OR9Q1: variants seen among roughly 807,000 people sequenced by gnomAD.
OR9Q1 encodes olfactory receptor 9Q1.
For synonymous variants in OR9Q1, 153 were observed against 148.6 expected (o/e 1.03, Z -0.22); for missense variants, 374 against 378.8 (o/e 0.99, Z 0.11).
At position 58,023,958 on chromosome 11, in the gene OR9Q1, G is replaced by T. The variant is rs551640603; in HGVS notation, c.-239G>T. The T allele has an allele frequency of 1.3e-5, 2 of 152,338 alleles. No homozygotes were observed. The highest frequency in any genetic ancestry group is 1.9e-4 in the East Asian group (1 of 5,188). The allele number at this position is 152,338 out of a possible 1,614,324, so 9.4% of individuals were successfully genotyped here. Reference sequence around the variant, plus strand: ...TGGTAGAGGGAGCGAAAGGAGCAAAGGCCCTAACTTTCCCTTAATGATGTC... The same window carrying T: ...TGGTAGAGGGAGCGAAAGGAGCAAATGCCCTAACTTTCCCTTAATGATGTC... On this transcript the variant is annotated 5_prime_UTR_variant, in exon 1 of 3. In the 5' UTR this introduces an upstream ATG that the reference lacks. Coordinates refer to ENST00000335397, the MANE Select transcript of OR9Q1 (RefSeq NM_001005212.4).
chr11:58,118,828 A>G lies in OR9Q1; in HGVS notation c.-14-60603A>G, dbSNP rs753385462. The G allele has an allele frequency of 8.1e-6, 13 of 1,614,084 alleles. No homozygotes were observed. In the Admixed American group the frequency reaches 2.2e-4, roughly 27 times the overall value. On this transcript the variant is annotated intron_variant, in intron 2 of 2. Transcript: ENST00000335397. ...GATGACGGAGGCATTGGCCAAAATC[A>G]CAAAATTGCCAAAGAAGATGATGAC...
chr11:58,140,776 T>G (rs975691026), intron 2 of OR9Q1, among the ~76,000 whole-genome samples: 4 of 152,200 alleles, frequency 2.6e-5, no homozygotes, highest in African/African-American at 9.7e-5. Flanking sequence ...GCGGGCTGTT[T>G]TTTGGTTCCA....
chr11:58,114,532 C>T (rs1006184398), intron 2 of OR9Q1, among the ~76,000 whole-genome samples: 1 of 152,052 alleles, frequency 6.6e-6, no homozygotes. Context: ...ATTAAATCCT[C>T]CTTTCTCTTC....
chr11:58,150,943 C>T (rs1854345146), intron 2 of OR9Q1, among the ~76,000 whole-genome samples: 1 of 152,108 alleles, frequency 6.6e-6, no homozygotes, highest in South Asian at 2.1e-4. Context: ...TCTAGTAAGA[C>T]AAAATGTGCT....
At chr11:58,031,946 T>G in intron 1 of OR9Q1, 1 of 1,173,810 alleles carries the variant, frequency 8.5e-7, no homozygotes. Context: ...CTTGGATATT[T>G]AAAAACAGGT....
intron 2 of OR9Q1, among the ~76,000 whole-genome samples, chr11:58,063,686 C>T (rs763577208): frequency 2.6e-5 from 4 of 150,986 alleles, no homozygotes; most frequent in South Asian, 2.1e-4. Context: ...GTGGAATTTA[C>T]AAGGGAAGAT....
intron 2 of OR9Q1, among the ~76,000 whole-genome samples, chr11:58,135,304 G>C (rs1854179466): frequency 6.6e-6 from 1 of 152,098 alleles, no homozygotes; most frequent in African/African-American, 2.4e-5. Flanking sequence ...AAGATTTTGA[G>C]GGAAACAGAC....
chr11:58,101,780 C>T (rs1041529174), intron 2 of OR9Q1, among the ~76,000 whole-genome samples: 1 of 152,062 alleles, frequency 6.6e-6, no homozygotes, highest in African/African-American at 2.4e-5. Flanking sequence ...GAGTTTCATT[C>T]TTGTTGCCCA....
At chr11:58,107,745 A>G (rs965807652) in intron 2 of OR9Q1, among the ~76,000 whole-genome samples, 5 of 142,976 alleles carry the variant, frequency 3.5e-5, no homozygotes. Flanking sequence ...CTTTCTATTT[A>G]TTTGTCTCTT....
At position 58,179,924 on chromosome 11, in the gene OR9Q1, A is replaced by G; in HGVS notation, c.480A>G (p.Thr160=). The change falls in exon 3 of 3, where the codon ACA becomes ACG. Residue 160 remains threonine, a synonymous_variant. Transcript: ENST00000335397. ...GTCTCATCAGTGCCTTGGTGCGGAC[A>G]GTCTCAGCCTTCACTCTCTCCTTCT... ...VAGLISALVR[T]VSAFTLSFCG... The G allele has an allele frequency of 1.2e-6, 2 of 1,614,194 alleles. No individual in the cohort carries two copies. Among genetic ancestry groups the G allele is most frequent in the Non-Finnish European group, 1.7e-6 (2 of 1,180,034 alleles).
chr11:58,037,186 C>T (rs1853108089), intron 1 of OR9Q1, among the ~76,000 whole-genome samples: 1 of 152,116 alleles, frequency 6.6e-6, no homozygotes, highest in Non-Finnish European at 1.5e-5. Context: ...TCTCTGAAGG[C>T]TCAGATTATT....
At chr11:58,168,595 T>G (rs546574270) in intron 2 of OR9Q1, among the ~76,000 whole-genome samples, 1 of 152,046 alleles carries the variant, frequency 6.6e-6, no homozygotes, top group Admixed American at 6.6e-5. Flanking sequence ...TTTGTTGTTT[T>G]TTTTTTTCCA....
intron 2 of OR9Q1, among the ~76,000 whole-genome samples, chr11:58,150,453 G>A (rs1317790135): frequency 6.6e-6 from 1 of 152,116 alleles, no homozygotes; most frequent in African/African-American, 2.4e-5. Context: ...AATAAATTGG[G>A]TTGTTTGTTT....
chr11:58,106,271 C>T (rs768074460), intron 2 of OR9Q1, among the ~76,000 whole-genome samples: 3 of 151,502 alleles, frequency 2.0e-5, no homozygotes, highest in Non-Finnish European at 4.4e-5. Flanking sequence ...TTTTAATATA[C>T]CTGTTGGCTG....
At chr11:58,162,497 A>C (rs1042535899) in intron 2 of OR9Q1, among the ~76,000 whole-genome samples, 1 of 152,184 alleles carries the variant, frequency 6.6e-6, no homozygotes, top group Non-Finnish European at 1.5e-5. Flanking sequence ...AGTTGGAAGA[A>C]AACCTTTCTG....
At chr11:58,104,809 A>G (rs1031232) in intron 2 of OR9Q1, among the ~76,000 whole-genome samples, 26,074 of 152,146 alleles carry the variant, frequency 0.17, 2,362 homozygotes, top group Non-Finnish European at 0.21. Flanking sequence ...TCCGGACAGT[A>G]TAGCTATTAA....
chr11:58,144,299 A>T (rs1348271940), intron 2 of OR9Q1, among the ~76,000 whole-genome samples: 1 of 150,176 alleles, frequency 6.7e-6, no homozygotes, highest in Non-Finnish European at 1.5e-5. Context: ...TGTCCTTGCG[A>T]TAGTTTGCTG....
chr11:58,166,694 T>G (rs930494314), intron 2 of OR9Q1, among the ~76,000 whole-genome samples: 2 of 152,150 alleles, frequency 1.3e-5, no homozygotes, highest in Non-Finnish European at 2.9e-5. Context: ...TTCCCACAAT[T>G]TTATTTTTTG....
At chr11:58,063,105 A>G (rs1307810539) in intron 2 of OR9Q1, among the ~76,000 whole-genome samples, 1 of 152,220 alleles carries the variant, frequency 6.6e-6, no homozygotes, top group African/African-American at 2.4e-5. Flanking sequence ...TGGAAATAGT[A>G]ACCAGTACAA....
Sources: allele counts gnomAD v4.1 joint callset (sites outside exome capture counted in the v4.1 genomes callset), GRCh38; gene constraint gnomAD v4.1.1; transcripts MANE v1.5; gene names NCBI Gene and HGNC (gene_info 2026-07-23, HGNC 2026-07-21).